The following RSAD2 variants were observed in gnomAD, a reference collection of about 807,000 sequenced individuals.
RSAD2 encodes radical S-adenosyl methionine domain containing 2.
Under a neutral mutation model 37.7 loss-of-function variants are expected in RSAD2, and 38 were observed. The observed-to-expected ratio is 1.01, with a 90% CI of 0.78 to 1.32. The LOEUF (loss-of-function observed/expected upper bound fraction) is 1.32. Among genes scored for constraint, RSAD2 ranks in the 40% most tolerant of loss-of-function variants. The probability of loss-of-function intolerance (pLI) is 0.00; values close to 1 mark genes in which losing one functional copy is unlikely to be tolerated. For missense variants in RSAD2, 428 were observed against 437.5 expected, an observed-to-expected ratio of 0.98 and a Z score of 0.19; for synonymous variants, 163 against 157.4, an observed-to-expected ratio of 1.04 and a Z score of -0.27.
At chr2:6,895,718 A>T in intron 5 of RSAD2, 60 bp from the exon 6 acceptor site, 2 of 1,449,866 alleles carry the variant, frequency 1.4e-6, no homozygotes, top group Non-Finnish European at 1.9e-6. Flanking sequence ...AATAGTCTAG[A>T]TTGAGTTTTA....
chr2:6,869,188 C>G (rs534857190), intron 1 of RSAD2, among the ~76,000 whole-genome samples: 5 of 152,280 alleles, frequency 3.3e-5, no homozygotes, highest in African/African-American at 9.6e-5. Flanking sequence ...GACTCAAAAG[C>G]TTATGGCTAC....
intron 1 of RSAD2, among the ~76,000 whole-genome samples, chr2:6,880,187 G>A (rs1308749801): frequency 6.6e-6 from 1 of 152,106 alleles, no homozygotes; most frequent in Non-Finnish European, 1.5e-5. Flanking sequence ...CTAGATAATG[G>A]AGGAAAACTA....
At position 6,890,333 on chromosome 2, in the gene RSAD2, AAAG is replaced by A; in HGVS notation, c.888+9_888+11del. ...CCTGAATCTAACCAGAAGGTTGTAT[AAAG>A]CAAAAGTTGTTTTCTTTGTCATCAT... On this transcript the variant is annotated intron_variant, in intron 4 of 5. Coordinates refer to ENST00000382040, the MANE Select transcript of RSAD2 (RefSeq NM_080657.5). 1 of 1,613,326 alleles carries A rather than the reference AAAG, an allele frequency of 6.2e-7. No homozygotes were observed. The highest frequency in any genetic ancestry group is 8.5e-7 in the Non-Finnish European group (1 of 1,179,608).
At chr2:6,874,784 G>T (rs971950593), upstream of RSAD2, among the ~76,000 whole-genome samples, 53 of 151,998 alleles carry the variant, frequency 3.5e-4, no homozygotes, top group Non-Finnish European at 7.4e-4. Flanking sequence ...GGAAGCATTT[G>T]CCTTTCTCCC....
At chr2:6,881,331 A>G (rs1663396416) in intron 1 of RSAD2, among the ~76,000 whole-genome samples, 1 of 152,230 alleles carries the variant, frequency 6.6e-6, no homozygotes, top group African/African-American at 2.4e-5. Context: ...GAAAGGGGGC[A>G]CTAAAACTCA....
chr2:6,878,890 A>G, intron 1 of RSAD2: 2 of 1,166,290 alleles, frequency 1.7e-6, no homozygotes, highest in Non-Finnish European at 2.3e-6. Context: ...TTTTAACAAA[A>G]GCATAGCATA....
rs553455540 is a variant in RSAD2, at chr2:6,892,071, C to A, written c.889-1600C>A. ...TAAGTAGTTTTATTCACCTTTATAA[C>A]TTTTTGAACTTTAAAATTTTGTAAC... is the stretch of plus-strand genomic sequence containing the variant. On this transcript the variant is annotated intron_variant, in intron 4 of 5. Coordinates refer to ENST00000382040, the MANE Select transcript of RSAD2 (RefSeq NM_080657.5). 2.0e-3 allele frequency among the ~76,000 whole-genome samples: 307 copies of A among 152,228 alleles called. 2 individuals carry two copies. Among genetic ancestry groups the A allele is most frequent in the South Asian group, 0.016 (79 of 4,822 alleles).
chr2:6,875,497 A>G (rs1663266277), upstream of RSAD2, among the ~76,000 whole-genome samples: 1 of 152,188 alleles, frequency 6.6e-6, no homozygotes, highest in Admixed American at 6.5e-5. Context: ...TGGTTGGGGT[A>G]GCCAACCAAC....
intron 5 of RSAD2, among the ~76,000 whole-genome samples, chr2:6,895,501 TC>T (rs1663755657): frequency 1.3e-5 from 2 of 152,208 alleles, no homozygotes; most frequent in Admixed American, 1.3e-4. Context: ...GATTACCCCT[TC>T]CCCCAGTGGA....
rs1193078212 is a variant in RSAD2 at position 6,895,936 on chromosome 2, T to C, written c.1080T>C (p.Asp360=). The change falls in exon 6 of 6, where the codon GAT becomes GAC. Residue 360 remains aspartate, a synonymous_variant. Coordinates refer to ENST00000382040, the MANE Select transcript of RSAD2 (RefSeq NM_080657.5). Reference sequence around the variant, plus strand: ...GGAGTAAGGCTGATCTGAAGCTGGATTGGTAGAGCGGAAAGTGGAACGAGA... The same window carrying C: ...GGAGTAAGGCTGATCTGAAGCTGGACTGGTAGAGCGGAAAGTGGAACGAGA... The part of the protein sequence containing the change: ...YIWSKADLKL[D]W The C allele has an allele frequency of 1.9e-6, 3 of 1,613,304 alleles. No homozygotes were observed. Among genetic ancestry groups the C allele is most frequent in the Admixed American group, 1.7e-5 (1 of 59,956 alleles).
At chr2:6,890,153 C>A (rs376952400) in intron 3 of RSAD2, 23 bp from the exon 4 acceptor site, 609 of 1,611,390 alleles carry the variant, frequency 3.8e-4, no homozygotes, top group Non-Finnish European at 4.5e-4. Context: ...CTCTGCAAAG[C>A]AAACACTACC....
chr2:6,896,078 C>A lies in RSAD2; in HGVS notation c.*136C>A. 2 of 729,672 alleles carry A rather than the reference C, an allele frequency of 2.7e-6. No individual in the cohort carries two copies. The highest frequency in any genetic ancestry group is 4.4e-6 in the Non-Finnish European group (2 of 455,940). The allele number at this position is 729,672 out of a possible 1,614,324, so 45.2% of individuals were successfully genotyped here. A position where few individuals can be genotyped will look rare whatever the true frequency, so the allele number is the denominator to read the frequency against. On this transcript the variant is annotated 3_prime_UTR_variant, in exon 6 of 6. Coordinates refer to ENST00000382040, the MANE Select transcript of RSAD2 (RefSeq NM_080657.5). ...TTCTGCTGCACGTGGCATCTGATTA[C>A]CTGTGGTCACTGAACACACGAATAA...
intron 4 of RSAD2, 25 bp downstream of exon 4, chr2:6,890,350 C>A: frequency 6.2e-7 from 1 of 1,611,494 alleles, no homozygotes; most frequent in African/African-American, 1.3e-5. Flanking sequence ...AAGTTGTTTT[C>A]TTTGTCATCA....
intron 3 of RSAD2, among the ~76,000 whole-genome samples, chr2:6,888,545 T>A (rs776255183): frequency 1.3e-5 from 2 of 152,218 alleles, no homozygotes; most frequent in Non-Finnish European, 2.9e-5. Context: ...TTCCTGTTAC[T>A]GTCTTCCTCA....
chr2:6,877,615 C>T (rs1663307542), upstream of RSAD2: 2 of 593,042 alleles, frequency 3.4e-6, no homozygotes, highest in Non-Finnish European at 6.0e-6. Context: ...AGTCTTCAGT[C>T]TTGGCCCTGT....
chr2:6,880,778 A>G (rs1663381691), intron 1 of RSAD2, among the ~76,000 whole-genome samples: 1 of 151,966 alleles, frequency 6.6e-6, no homozygotes, highest in Non-Finnish European at 1.5e-5. Context: ...TGTCAGTGGT[A>G]ATTAAAGGTT....
intron 1 of RSAD2, among the ~76,000 whole-genome samples, chr2:6,881,873 A>G (rs1419707861): frequency 1.3e-5 from 2 of 151,784 alleles, no homozygotes; most frequent in Non-Finnish European, 2.9e-5. Flanking sequence ...CATAGACCCC[A>G]TCCTCCTAAA....
At chr2:6,889,689 C>T (rs1027555831) in intron 3 of RSAD2, among the ~76,000 whole-genome samples, 3 of 152,174 alleles carry the variant, frequency 2.0e-5, no homozygotes, top group South Asian at 2.1e-4. Context: ...CATTTGTTTA[C>T]TTAAAAGACT....
rs115351750 is a variant in RSAD2, at chr2:6,868,310, C to T, written c.142+2265C>T. Among the ~76,000 whole-genome samples, 1,223 of 152,040 alleles carry T rather than the reference C, an allele frequency of 8.0e-3. 19 individuals are homozygous for T. Among genetic ancestry groups the T allele is most frequent in the African/African-American group, 0.028 (1,179 of 41,478 alleles). On this transcript the variant is annotated intron_variant, in intron 1 of 5. Coordinates refer to the RSAD2 transcript ENST00000442639. ...CTTAGTTTTTGAAAACATGTTTAAA[C>T]AGATATGTTTCTAGGTAGTTTAATT...
Sources: allele counts gnomAD v4.1 joint callset (sites outside exome capture counted in the v4.1 genomes callset), GRCh38; gene constraint gnomAD v4.1.1; transcripts MANE v1.5; gene names NCBI Gene and HGNC (gene_info 2026-07-23, HGNC 2026-07-21).